The following CHL1 variants were observed in gnomAD, a reference collection of about 807,000 sequenced individuals.
CHL1 encodes neural cell adhesion molecule L1-like protein.
A neutral mutation model predicts 141.9 loss-of-function variants in CHL1; 96 were observed. That is an observed-to-expected ratio of 0.68 (90% CI 0.57 to 0.80). The LOEUF (loss-of-function observed/expected upper bound fraction) is 0.80. Among genes scored for constraint, CHL1 ranks in the 30% least tolerant of loss-of-function variants. The pLI is 0.00. For synonymous variants in CHL1, 613 were observed against 502.2 expected, an observed-to-expected ratio of 1.22 and a Z score of -2.95; for missense variants, 1,820 against 1,457.2, an observed-to-expected ratio of 1.25 and a Z score of -4.05.
Position 319,917 on chromosome 3 carries a change from T to C in CHL1, c.91+50T>C, listed in dbSNP as rs370432874. 2.2e-5 allele frequency: 24 copies of C among 1,099,988 alleles called. No individual in the cohort carries two copies. In the African/African-American group the frequency reaches 3.5e-4, roughly 16 times the overall value. The allele number at this position is 1,099,988 out of a possible 1,614,324, so 68.1% of individuals were successfully genotyped here. A position where few individuals can be genotyped will look rare whatever the true frequency, so the allele number is the denominator to read the frequency against. On this transcript the variant is annotated intron_variant, in intron 3 of 27. Transcript: ENST00000256509. ...ATTAATGGAATTTCATATTTGCATT[T>C]TGATTTTTAAGTAGAATACTTATGG...
intron 2 of CHL1, among the ~76,000 whole-genome samples, chr3:312,078 T>C (rs1421572674): frequency 6.6e-6 from 1 of 152,226 alleles, no homozygotes; most frequent in Non-Finnish European, 1.5e-5. Context: ...AACCTGTATG[T>C]ATATATAGGT....
chr3:390,548 C>G (rs750586699), intron 20 of CHL1, among the ~76,000 whole-genome samples, 153 bp from the exon 21 acceptor site: 3 of 152,184 alleles, frequency 2.0e-5, no homozygotes, highest in Non-Finnish European at 4.4e-5. Flanking sequence ...GGCTGATAAA[C>G]TTATCTATCA....
chr3:257,813 T>C (rs1392568193), intron 2 of CHL1, among the ~76,000 whole-genome samples: 1 of 152,184 alleles, frequency 6.6e-6, no homozygotes, highest in Non-Finnish European at 1.5e-5. Context: ...TTAATTTAAA[T>C]AGAAAAGTAA....
chr3:197,568 C>T (rs968191738), intron 1 of CHL1: 6 of 323,152 alleles, frequency 1.9e-5, no homozygotes, highest in East Asian at 1.6e-4. Context: ...GGGGCTCAGA[C>T]CCCCCCAGTC....
At chr3:339,536 T>C (rs1382515878) in intron 5 of CHL1, among the ~76,000 whole-genome samples, 1 of 152,190 alleles carries the variant, frequency 6.6e-6, no homozygotes, top group East Asian at 1.9e-4. Flanking sequence ...CATGGCTGAA[T>C]GTATAAAGAG....
chr3:387,628 C>T (rs532964408), intron 19 of CHL1, among the ~76,000 whole-genome samples: 3 of 152,254 alleles, frequency 2.0e-5, no homozygotes, highest in African/African-American at 7.2e-5. Context: ...ATTATTTGCA[C>T]ACACTTATTG....
chr3:293,049 C>T (rs937891279), intron 2 of CHL1, among the ~76,000 whole-genome samples: 2 of 152,154 alleles, frequency 1.3e-5, no homozygotes, highest in African/African-American at 4.8e-5. Flanking sequence ...ATGATTTTTA[C>T]ACAAAAACCA....
At chr3:358,405 G>A (rs1024572623) in intron 11 of CHL1, among the ~76,000 whole-genome samples, 2 of 152,104 alleles carry the variant, frequency 1.3e-5, no homozygotes, top group Non-Finnish European at 2.9e-5. Flanking sequence ...TCATCCAGAT[G>A]TAGGAAATAA....
At chr3:221,095 C>T (rs181769017) in intron 1 of CHL1, among the ~76,000 whole-genome samples, 35 of 152,304 alleles carry the variant, frequency 2.3e-4, no homozygotes, top group Admixed American at 1.2e-3. Flanking sequence ...ATCCCACACT[C>T]ACCCACTTTG....
chr3:218,776 A>G (rs1218744279), intron 1 of CHL1, among the ~76,000 whole-genome samples: 1 of 152,212 alleles, frequency 6.6e-6, no homozygotes, highest in Non-Finnish European at 1.5e-5. Context: ...ATGGGCAAAG[A>G]AAGAGAACAC....
At chr3:370,166 G>T (rs956145919) in intron 15 of CHL1, among the ~76,000 whole-genome samples, 1 of 152,144 alleles carries the variant, frequency 6.6e-6, no homozygotes, top group Non-Finnish European at 1.5e-5. Context: ...AGTTTTAGAA[G>T]GAATGGTATC....
At chr3:325,865 C>G (rs1294923287) in intron 3 of CHL1, 94 bp from the exon 4 acceptor site, 22 of 684,552 alleles carry the variant, frequency 3.2e-5, no homozygotes, top group Non-Finnish European at 5.0e-5. Flanking sequence ...TTTCACTTAT[C>G]AGTATACAAA....
chr3:223,298 A>C (rs1701023549), intron 1 of CHL1, among the ~76,000 whole-genome samples: 1 of 152,214 alleles, frequency 6.6e-6, no homozygotes, highest in South Asian at 2.1e-4. Context: ...GTGTTATAGG[A>C]ATACAAATTT....
chr3:332,379 C>T (rs1384407941), intron 5 of CHL1, among the ~76,000 whole-genome samples: 4 of 151,890 alleles, frequency 2.6e-5, no homozygotes, highest in African/African-American at 9.7e-5. Flanking sequence ...ATATTCATGG[C>T]AGTAATTACC....
At chr3:324,444 G>A (rs1700838522) in intron 3 of CHL1, among the ~76,000 whole-genome samples, 1 of 151,926 alleles carries the variant, frequency 6.6e-6, no homozygotes. Flanking sequence ...AAAATATTGA[G>A]TGCTCATCAG....
At position 301,995 on chromosome 3, in the gene CHL1, G is replaced by A. The variant is rs150855767; in HGVS notation, c.-94-17688G>A. On this transcript the variant is annotated intron_variant, in intron 2 of 27. Transcript: ENST00000256509. ...CTCCCACTTATGCGTGAGAATATGT[G>A]GTGCATGGTTTTCTGATCTTGTGAT... 1.2e-3 allele frequency among the ~76,000 whole-genome samples: 177 copies of A among 152,248 alleles called. 1 individual carries two copies. Among genetic ancestry groups the A allele is most frequent in the African/African-American group, 3.8e-3 (158 of 41,548 alleles).
At chr3:295,119 G>T (rs889999175) in intron 2 of CHL1, among the ~76,000 whole-genome samples, 1 of 151,932 alleles carries the variant, frequency 6.6e-6, no homozygotes, top group Non-Finnish European at 1.5e-5. Flanking sequence ...GGAGTCTACT[G>T]GGTCGTTTCT....
At chr3:324,788 C>T (rs1232276325) in intron 3 of CHL1, among the ~76,000 whole-genome samples, 9 of 151,878 alleles carry the variant, frequency 5.9e-5, no homozygotes, top group African/African-American at 1.9e-4. Flanking sequence ...AAGAGTCTCC[C>T]TATGTTACCC....
At chr3:399,241 C>G in intron 26 of CHL1, 93 bp downstream of exon 26, 1 of 1,000,784 alleles carries the variant, frequency 1.0e-6, no homozygotes, top group Non-Finnish European at 1.5e-6. Flanking sequence ...AATACACATT[C>G]AAGTCAAATT....
Sources: allele counts gnomAD v4.1 joint callset (sites outside exome capture counted in the v4.1 genomes callset), GRCh38; gene constraint gnomAD v4.1.1; transcripts MANE v1.5; gene names NCBI Gene and HGNC (gene_info 2026-07-23, HGNC 2026-07-21).